Variants in ZNF746 observed in about 807,000 individuals in gnomAD.
The protein encoded by ZNF746 is zinc finger protein 746, also known as parkin-interacting substrate.
A neutral mutation model predicts 41.0 loss-of-function variants in ZNF746; 13 were observed. The observed-to-expected ratio is 0.32, with a 90% confidence interval of 0.21 to 0.50. ZNF746 has a LOEUF of 0.50. Ranked by LOEUF, ZNF746 falls within the 20% of genes least tolerant of loss-of-function variation. The probability of loss-of-function intolerance (pLI) is 0.98; values close to 1 mark genes in which losing one functional copy is unlikely to be tolerated. For missense variants in ZNF746, 811 were observed against 922.9 expected, an observed-to-expected ratio of 0.88 and a Z score of 1.57; for synonymous variants, 424 against 396.2, an observed-to-expected ratio of 1.07 and a Z score of -0.83.
intron 1 of ZNF746, chr7:149,496,734 G>C: frequency 5.1e-6 from 4 of 778,268 alleles, no homozygotes; most frequent in Non-Finnish European, 6.2e-6. Flanking sequence ...GGTGGACAGC[G>C]GTACCAAGAG....
chr7:149,497,472 C>T lies in ZNF746; in HGVS notation c.24+41G>A. The T allele has an allele frequency of 1.8e-6, 2 of 1,082,442 alleles. No individual in the cohort carries two copies. Among genetic ancestry groups the T allele is most frequent in the East Asian group, 6.7e-5 (1 of 14,898 alleles). The allele number at this position is 1,082,442 out of a possible 1,614,324, so 67.1% of individuals were successfully genotyped here. ...TGTGCCGGGGCCGGGCCGCCTGGGG[C>T]CCCCAGGCCGCGAGTCCCTGCGCGC... On this transcript the variant is annotated intron_variant, in intron 1 of 6. Transcript: ENST00000458143. This position sits in a 1 kb window ranked among gnomAD's most constrained non-coding sequence, Gnocchi z 4.2.
Position 149,477,043 on chromosome 7 carries a change from G to C in ZNF746, c.762C>G (p.Val254=). 1 of 1,612,664 alleles carries C rather than the reference G, an allele frequency of 6.2e-7. No individual in the cohort carries two copies. Among genetic ancestry groups the C allele is most frequent in the South Asian group, 1.1e-5 (1 of 90,948 alleles). The change falls in exon 6 of 7, where the codon GTC becomes GTG. Residue 254 remains valine (V), a synonymous_variant. Transcript: ENST00000458143. ...GGATGGTGGTGGAAAAGTTGGAATGGACACCTGCGGTAAGGGGAGAGCAGA... is the reference window on the plus strand; with the variant it reads ...GGATGGTGGTGGAAAAGTTGGAATGCACACCTGCGGTAAGGGGAGAGCAGA... ...GDISTDATSG[V]HSNFSTTIPP... is the part of the protein sequence containing the mutation.
chr7:149,481,587 CACACATATAA>C (rs746873885), intron 4 of ZNF746, among the ~76,000 whole-genome samples: 2 of 152,144 alleles, frequency 1.3e-5, no homozygotes, highest in Non-Finnish European at 2.9e-5. Flanking sequence ...AAGATATTTT[CACACATATAA>C]ACACATATAA....
At chr7:149,486,974 G>C (rs187240558) in intron 4 of ZNF746, among the ~76,000 whole-genome samples, 102 of 152,348 alleles carry the variant, frequency 6.7e-4, no homozygotes, top group Non-Finnish European at 4.0e-4. Context: ...TGCACAGCAG[G>C]GGGTGGGTGG....
chr7:149,495,418 T>A (rs1021249032), intron 1 of ZNF746, among the ~76,000 whole-genome samples: 1 of 152,204 alleles, frequency 6.6e-6, no homozygotes, highest in African/African-American at 2.4e-5. Context: ...GACGGGGGCC[T>A]TCCCTGTCAT....
chr7:149,476,089 G>C (rs1800292025), intron 6 of ZNF746, among the ~76,000 whole-genome samples: 1 of 152,098 alleles, frequency 6.6e-6, no homozygotes, highest in Admixed American at 6.5e-5. Flanking sequence ...CCAAGGCGGG[G>C]GGATCATGAG....
At chr7:149,495,985 A>G (rs1800981774) in intron 1 of ZNF746, among the ~76,000 whole-genome samples, 1 of 151,720 alleles carries the variant, frequency 6.6e-6, no homozygotes, top group Non-Finnish European at 1.5e-5. Context: ...GCTTGAGTCC[A>G]CCCTCCACCT....
chr7:149,493,644 G>A (rs1332327091), intron 3 of ZNF746, among the ~76,000 whole-genome samples: 1 of 152,236 alleles, frequency 6.6e-6, no homozygotes, highest in Non-Finnish European at 1.5e-5. Flanking sequence ...GAAGGCTGAA[G>A]GAAAGAGTCT....
intron 4 of ZNF746, chr7:149,491,870 T>C (rs779768522): frequency 4.3e-6 from 3 of 701,122 alleles, no homozygotes; most frequent in East Asian, 2.7e-5. Context: ...CTTTAGGAAT[T>C]TGGTTTTTCT....
intron 4 of ZNF746, among the ~76,000 whole-genome samples, chr7:149,478,952 G>C (rs965704245): frequency 6.6e-6 from 1 of 152,226 alleles, no homozygotes; most frequent in African/African-American, 2.4e-5. Flanking sequence ...TGACTTGGGA[G>C]AGAGATCCAG....
At chr7:149,496,401 T>C (rs925750958) in intron 1 of ZNF746, among the ~76,000 whole-genome samples, 1 of 152,152 alleles carries the variant, frequency 6.6e-6, no homozygotes, top group African/African-American at 2.4e-5. Flanking sequence ...GCTGAAACTC[T>C]TTGCTTGAGA....
At position 149,473,697 on chromosome 7, in the gene ZNF746, C is replaced by T. The variant is rs1800177117; in HGVS notation, c.*687G>A. 6.5e-6 allele frequency: 1 copy of T among 154,134 alleles called. No homozygotes were observed. Among genetic ancestry groups the T allele is most frequent in the African/African-American group, 2.4e-5 (1 of 41,470 alleles). The allele number at this position is 154,134 out of a possible 1,614,324, so 9.5% of individuals were successfully genotyped here. ...GTCCTTATGAGGCCAGGGAGTCACA[C>T]ACTAGGGGACACCACCAAGTGCCCT... On this transcript the variant is annotated 3_prime_UTR_variant, in exon 7 of 7. Transcript: ENST00000458143.
chr7:149,475,487 A>G lies in ZNF746; in HGVS notation c.884-4T>C. On this transcript the variant is annotated splice_region_variant and splice_polypyrimidine_tract_variant and intron_variant, in intron 6 of 6. Transcript: ENST00000458143. ...TTTATTACAATTTTTACATCTGCTG[A>G]GAAAGACAGAAAGACAGATACTGAC... 6.2e-7 allele frequency: 1 copy of G among 1,606,878 alleles called. No individual in the cohort carries two copies. Among genetic ancestry groups the G allele is most frequent in the Non-Finnish European group, 8.5e-7 (1 of 1,175,668 alleles).
intron 4 of ZNF746, chr7:149,490,709 T>G (rs1800773682): frequency 6.6e-6 from 1 of 152,370 alleles, no homozygotes. Context: ...CAGTCACGGA[T>G]GGCTGTGGGA....
Position 149,473,780 on chromosome 7 carries a change from G to C in ZNF746, c.*604C>G, listed in dbSNP as rs1296375415. The C allele has an allele frequency of 6.4e-6, 1 of 156,488 alleles. No individual in the cohort carries two copies. The highest frequency in any genetic ancestry group is 1.9e-4 in the East Asian group (1 of 5,214). The allele number at this position is 156,488 out of a possible 1,614,324, so 9.7% of individuals were successfully genotyped here. On this transcript the variant is annotated 3_prime_UTR_variant, in exon 7 of 7. Coordinates refer to ENST00000458143, the MANE Select transcript of ZNF746 (RefSeq NM_001394198.1). ...GAAAAGTTGGGGCCAGCACTTTTGG[G>C]GGGCCTTTTCAGGAGAGGCAAGCTG...
chr7:149,497,665 C>T lies in ZNF746; in HGVS notation c.-129G>A, dbSNP rs1008369594. 2.9e-6 allele frequency: 2 copies of T among 700,326 alleles called. No individual in the cohort carries two copies. The highest frequency in any genetic ancestry group is 1.2e-4 in the South Asian group (2 of 16,316). The allele number at this position is 700,326 out of a possible 1,614,324, so 43.4% of individuals were successfully genotyped here. On this transcript the variant is annotated 5_prime_UTR_variant, in exon 1 of 7. Coordinates refer to ENST00000458143, the MANE Select transcript of ZNF746 (RefSeq NM_001394198.1). The surrounding 1 kb of genome is among the most constrained non-coding windows in gnomAD (Gnocchi z 4.2). ...GCCTGGCCTTTCCTCTGCCGCCGCTCCTCGCTGGCTGCCCCTGCGCCGCGC... is the reference window on the plus strand; with the variant it reads ...GCCTGGCCTTTCCTCTGCCGCCGCTTCTCGCTGGCTGCCCCTGCGCCGCGC...
Position 149,492,854 on chromosome 7 carries a change from C to T in ZNF746, c.565+5G>A. 2 of 1,610,750 alleles carry T rather than the reference C, an allele frequency of 1.2e-6. No homozygotes were observed. Among genetic ancestry groups the T allele is most frequent in the East Asian group, 2.2e-5 (1 of 44,864 alleles). Reference sequence around the variant, plus strand: ...ATGCCTCCCTGGCCTTCTCCCAGCCCTTACCTGGACTGGGGTCCACAGGAA... The same window carrying T: ...ATGCCTCCCTGGCCTTCTCCCAGCCTTTACCTGGACTGGGGTCCACAGGAA... On this transcript the variant is annotated splice_donor_5th_base_variant and intron_variant, in intron 4 of 6. Transcript: ENST00000458143.
intron 1 of ZNF746, among the ~76,000 whole-genome samples, chr7:149,495,803 C>A (rs1288745139): frequency 6.6e-6 from 1 of 152,162 alleles, no homozygotes; most frequent in Non-Finnish European, 1.5e-5. Context: ...AAGATACTAT[C>A]TATTTGGAAG....
rs577200273 is a variant in ZNF746, at chr7:149,479,591, G to C, written c.566-1836C>G. Among the ~76,000 whole-genome samples, 63 of 152,262 alleles carry C rather than the reference G, an allele frequency of 4.1e-4. 1 individual carries two copies. The South Asian group carries it at 0.012, about 30-fold the overall frequency. On this transcript the variant is annotated intron_variant, in intron 4 of 6. Coordinates refer to ENST00000458143, the MANE Select transcript of ZNF746 (RefSeq NM_001394198.1). ...TTCTGAGAGCTCAAGGATAACACTA[G>C]AAAATATAACGAACAAAGTTAAGAT...
Sources: allele counts gnomAD v4.1 joint callset (sites outside exome capture counted in the v4.1 genomes callset), GRCh38; gene constraint gnomAD v4.1.1; non-coding constraint Gnocchi (gnomAD v3.1); transcripts MANE v1.5; gene names NCBI Gene and HGNC (gene_info 2026-07-23, HGNC 2026-07-21).